Variants in ZNF343 observed in about 807,000 individuals in gnomAD.
ZNF343 encodes the protein zinc finger protein 343.
In ZNF343, 11 loss-of-function variants were observed where a neutral mutation model predicts 13.8. That is an observed-to-expected ratio of 0.80 (90% confidence interval 0.50 to 1.32). The LOEUF (loss-of-function observed/expected upper bound fraction) is 1.32. Ranked by LOEUF, ZNF343 falls within the 40% of genes most tolerant of loss-of-function variation. The pLI, the probability that ZNF343 is intolerant of heterozygous loss-of-function variation, is 0.00. For synonymous variants in ZNF343, 248 were observed against 260.0 expected (o/e 0.95, Z 0.44); for missense variants, 658 against 714.2 (o/e 0.92, Z 0.90).
rs751740937 is a variant in ZNF343, at chr20:2,493,919, T to C, written c.-24A>G. On this transcript the variant is annotated 5_prime_UTR_variant, in exon 3 of 6. Coordinates refer to ENST00000278772, the MANE Select transcript of ZNF343 (RefSeq NM_024325.6). ...ATGGCGCCAGAGTCAGCCCAGTGTG[T>C]GCCTTGAAATTCTGCCAGAGGTCCA... The C allele has an allele frequency of 1.1e-5, 17 of 1,519,200 alleles. No homozygotes were observed. Among genetic ancestry groups the C allele is most frequent in the African/African-American group, 4.1e-5 (3 of 73,030 alleles). 94.1% of individuals were successfully genotyped at this position (1,519,200 alleles called of 1,614,324 possible).
chr20:2,501,955 T>G (rs968299428), intron 1 of ZNF343, among the ~76,000 whole-genome samples: 1 of 152,090 alleles, frequency 6.6e-6, no homozygotes, highest in Non-Finnish European at 1.5e-5. Flanking sequence ...GGAACAAAGC[T>G]GGATGGAGAA....
rs184538939 is a variant in ZNF343, at chr20:2,501,223, T to C, written c.-236-481A>G. Among the ~76,000 whole-genome samples, 283 of 151,990 alleles carry C rather than the reference T, an allele frequency of 1.9e-3. 1 individual carries two copies. Among genetic ancestry groups the C allele is most frequent in the Admixed American group, 3.4e-3 (52 of 15,266 alleles). Reference sequence around the variant, plus strand: ...CCCTCGCTCATTGCTAGCACAGCAGTCTGAGATCAAACTGCAAGGCGGCAG... The same window carrying C: ...CCCTCGCTCATTGCTAGCACAGCAGCCTGAGATCAAACTGCAAGGCGGCAG... On this transcript the variant is annotated intron_variant, in intron 1 of 5. Coordinates refer to ENST00000278772, the MANE Select transcript of ZNF343 (RefSeq NM_024325.6).
chr20:2,498,768 T>C (rs2085504848), intron 2 of ZNF343, among the ~76,000 whole-genome samples: 1 of 152,212 alleles, frequency 6.6e-6, no homozygotes, highest in South Asian at 2.1e-4. Flanking sequence ...TTCTCCATTA[T>C]ACAGATGAGG....
chr20:2,510,805 G>T (rs2085734970), upstream of ZNF343, among the ~76,000 whole-genome samples: 1 of 152,206 alleles, frequency 6.6e-6, no homozygotes, highest in South Asian at 2.1e-4. Context: ...TGGGAGATCA[G>T]TCTCACATCC....
chr20:2,504,954 G>A (rs1336648675), intron 1 of ZNF343, among the ~76,000 whole-genome samples: 1 of 152,164 alleles, frequency 6.6e-6, no homozygotes, highest in African/African-American at 2.4e-5. Flanking sequence ...TCTGGACAGG[G>A]CAATCAGGCA....
At chr20:2,514,449 A>G (rs529546899) in intron 1 of ZNF343, among the ~76,000 whole-genome samples, 1 of 152,340 alleles carries the variant, frequency 6.6e-6, no homozygotes, top group African/African-American at 2.4e-5. Flanking sequence ...CAAAACTTCA[A>G]AGATCTTAGA....
At position 2,483,160 on chromosome 20, in the gene ZNF343, G is replaced by A. The variant is rs150707171; in HGVS notation, c.*1C>T. 1.3e-4 allele frequency: 204 copies of A among 1,600,520 alleles called. 2 individuals carry two copies. Among genetic ancestry groups the A allele is most frequent in the South Asian group, 4.8e-4 (42 of 88,176 alleles). ...ACCCCTGCATACACAGGTTTCTCCC[G>A]TCAGTGTGTCCTCTGGTGTCTGATG... On this transcript the variant is annotated 3_prime_UTR_variant, in exon 6 of 6. Coordinates refer to ENST00000278772, the MANE Select transcript of ZNF343 (RefSeq NM_024325.6).
intron 5 of ZNF343, among the ~76,000 whole-genome samples, chr20:2,490,561 G>T (rs1272109051): frequency 6.9e-6 from 1 of 145,728 alleles, no homozygotes; most frequent in African/African-American, 2.6e-5. Context: ...TTTTGAGATG[G>T]AGTTTTGCTC....
At chr20:2,488,767 G>A (rs763527528) in intron 5 of ZNF343, among the ~76,000 whole-genome samples, 4 of 152,100 alleles carry the variant, frequency 2.6e-5, no homozygotes, top group Admixed American at 1.3e-4. Flanking sequence ...TTTTGAGGCC[G>A]TGCATTGTGG....
At chr20:2,522,383 C>A (rs568338280) in intron 1 of ZNF343, among the ~76,000 whole-genome samples, 2 of 152,208 alleles carry the variant, frequency 1.3e-5, no homozygotes, top group Non-Finnish European at 2.9e-5. Context: ...TGTTTGTAAA[C>A]ATACATTTTT....
chr20:2,506,450 T>C (rs1339011516), intron 1 of ZNF343, among the ~76,000 whole-genome samples: 6 of 152,042 alleles, frequency 3.9e-5, no homozygotes, highest in Admixed American at 2.0e-4. Context: ...ACTGGGTATA[T>C]ACCCAAAGGA....
chr20:2,512,919 CAAAAAAA>C (rs71193970), upstream of ZNF343, among the ~76,000 whole-genome samples: 1 of 125,356 alleles, frequency 8.0e-6, no homozygotes, highest in Non-Finnish European at 1.7e-5. Flanking sequence ...ATTTCTCTAC[CAAAAAAA>C]AAAAAAAAAA....
At chr20:2,524,680 G>A (rs41306775), upstream of ZNF343, 1,641 of 152,516 alleles carry the variant, frequency 0.011, 18 homozygotes, top group Non-Finnish European at 0.015. Flanking sequence ...CTTCGCAGAG[G>A]ATCTGGAGGC....
chr20:2,518,019 C>CTT lies in ZNF343; in HGVS notation c.-347+6434_-347+6435dup, dbSNP rs1229880226. Reference sequence around the variant, plus strand: ...TTTATTTTTTTTTCCTTTTTTCTCTCTTTTTTTTTTTCGAGACAGAGTCTC... The same window carrying CTT: ...TTTATTTTTTTTTCCTTTTTTCTCTCTTTTTTTTTTTTTCGAGACAGAGTCTC... On this transcript the variant is annotated intron_variant, in intron 1 of 6. Transcript: ENST00000358413. The surrounding 1 kb of genome is among the most constrained non-coding windows in gnomAD (Gnocchi z 4.6). 6.9e-6 allele frequency among the ~76,000 whole-genome samples: 1 copy of CTT among 144,038 alleles called. No individual in the cohort carries two copies. The highest frequency in any genetic ancestry group is 1.5e-5 in the Non-Finnish European group (1 of 65,278). 94.5% of individuals were successfully genotyped at this position (144,038 alleles called of 152,430 possible).
In ZNF343 at chr20:2,492,843, A is replaced by G. The variant is rs2085389369; in HGVS notation, c.178-18T>C. 1 of 1,611,372 alleles carries G rather than the reference A, an allele frequency of 6.2e-7. No individual in the cohort carries two copies. ...ACTGGTACCTACAAACAACCAGTAA[A>G]TTAATGTATAGCAAGCCACCATCAA... On this transcript the variant is annotated intron_variant, in intron 4 of 5. Coordinates refer to ENST00000278772, the MANE Select transcript of ZNF343 (RefSeq NM_024325.6).
chr20:2,506,744 A>G (rs1486222645), intron 1 of ZNF343, among the ~76,000 whole-genome samples: 2 of 152,138 alleles, frequency 1.3e-5, no homozygotes, highest in Admixed American at 6.5e-5. Context: ...GAATTGAACA[A>G]TGAGAACACA....
chr20:2,491,996 G>A (rs1389476796), intron 5 of ZNF343: 3 of 154,434 alleles, frequency 1.9e-5, no homozygotes, highest in African/African-American at 7.2e-5. Flanking sequence ...TGAGATTACA[G>A]GCACATGCCA....
chr20:2,523,361 C>T (rs1340036382), intron 1 of ZNF343, among the ~76,000 whole-genome samples: 1 of 151,960 alleles, frequency 6.6e-6, no homozygotes, highest in East Asian at 1.9e-4. Context: ...CAGCCCATGC[C>T]ACTGCTATGC....
At chr20:2,493,203 G>T (rs1467355286) in intron 4 of ZNF343, among the ~76,000 whole-genome samples, 1 of 152,062 alleles carries the variant, frequency 6.6e-6, no homozygotes, top group African/African-American at 2.4e-5. Context: ...ATGGACTTGG[G>T]GCTTGTGCTG....
Sources: allele counts gnomAD v4.1 joint callset (sites outside exome capture counted in the v4.1 genomes callset), GRCh38; gene constraint gnomAD v4.1.1; non-coding constraint Gnocchi (gnomAD v3.1); transcripts MANE v1.5; gene names NCBI Gene and HGNC (gene_info 2026-07-23, HGNC 2026-07-21).